Variants in ERAP1 observed in about 807,000 individuals in gnomAD.
ERAP1 encodes adipocyte-derived leucine aminopeptidase.
Under a neutral mutation model 103.7 loss-of-function variants are expected in ERAP1, and 86 were observed. The observed-to-expected ratio is 0.83, with a 90% CI of 0.70 to 0.99. The LOEUF is 0.99. Ranked by LOEUF, ERAP1 falls within the 50% of genes least tolerant of loss-of-function variation. The probability of loss-of-function intolerance (pLI) is 0.00; values close to 1 mark genes in which losing one functional copy is unlikely to be tolerated. For missense variants in ERAP1, 1,009 were observed against 1,128.4 expected (o/e 0.89, Z 1.52); for synonymous variants, 398 against 402.4 (o/e 0.99, Z 0.13).
the ERAP1 span, among the ~76,000 whole-genome samples, chr5:96,815,413 T>TG: frequency 0.34 from 47,077 of 138,036 alleles, 8,455 homozygotes; most frequent in Non-Finnish European, 0.38. Flanking sequence ...TTTTGTTTTT[T>TG]ATTTTTTTTT....
intron 13 of ERAP1, 47 bp downstream of exon 13, chr5:96,785,741 A>T (rs760657772): frequency 3.8e-6 from 6 of 1,592,092 alleles, no homozygotes; most frequent in Admixed American, 3.3e-5. Flanking sequence ...TTGAACAATA[A>T]CAGCTGCTTT....
chr5:96,765,135 T>C (rs976976822), intron 19 of ERAP1: 7 of 777,814 alleles, frequency 9.0e-6, no homozygotes, highest in Admixed American at 4.1e-5. Context: ...ACAGGTTCCC[T>C]CCTGAAAAGA....
At chr5:96,766,952 T>C (rs1036647353) in intron 19 of ERAP1, among the ~76,000 whole-genome samples, 1 of 152,170 alleles carries the variant, frequency 6.6e-6, no homozygotes, top group African/African-American at 2.4e-5. Flanking sequence ...TTCCTCAAGA[T>C]AGCAATTCCA....
the ERAP1 span, among the ~76,000 whole-genome samples, chr5:96,900,552 C>A: frequency 6.6e-6 from 1 of 151,954 alleles, no homozygotes; most frequent in South Asian, 2.1e-4. Context: ...TTTCTTTTTC[C>A]TTACCTCTGG....
intron 18 of ERAP1, 27 bp from the exon 19 acceptor site, chr5:96,776,578 AAATT>A: frequency 1.2e-6 from 2 of 1,610,816 alleles, no homozygotes. Flanking sequence ...GGGTTTTAAA[AAATT>A]AATTTTATCA....
At chr5:96,767,954 G>A in intron 19 of ERAP1, 3 of 1,613,582 alleles carry the variant, frequency 1.9e-6, no homozygotes, top group Non-Finnish European at 2.5e-6. Context: ...CAGGAGATCT[G>A]GACAGCTGTC....
the ERAP1 span, among the ~76,000 whole-genome samples, chr5:96,903,850 C>T: frequency 6.6e-6 from 1 of 152,148 alleles, no homozygotes; most frequent in South Asian, 2.1e-4. Context: ...ATCCTGTGGG[C>T]CACAGGATAG....
chr5:96,904,900 A>G, the ERAP1 span, among the ~76,000 whole-genome samples: 1 of 152,238 alleles, frequency 6.6e-6, no homozygotes, highest in Non-Finnish European at 1.5e-5. Flanking sequence ...GAAGTTAAGA[A>G]TACAAATTTT....
intron 2 of ERAP1, among the ~76,000 whole-genome samples, chr5:96,801,566 A>G (rs538198692): frequency 3.9e-5 from 6 of 152,152 alleles, no homozygotes; most frequent in Admixed American, 2.6e-4. Flanking sequence ...AGATCCTAAA[A>G]ATATGTAATC....
At chr5:96,849,658 A>G in the ERAP1 span, among the ~76,000 whole-genome samples, 1 of 152,206 alleles carries the variant, frequency 6.6e-6, no homozygotes, top group Non-Finnish European at 1.5e-5. Flanking sequence ...TAGAAGAATT[A>G]ATATTGTTAA....
chr5:96,773,078 A>AC (rs1773043237), downstream of ERAP1: 1 of 153,644 alleles, frequency 6.5e-6, no homozygotes, highest in Non-Finnish European at 1.5e-5. Flanking sequence ...ATTTCTTATT[A>AC]CCCCCTTTCC....
chr5:96,903,226 A>G, the ERAP1 span: 1 of 579,796 alleles, frequency 1.7e-6, no homozygotes, highest in African/African-American at 1.9e-5. Context: ...GAAATCATCC[A>G]GTGAACTACG....
chr5:96,838,389 T>C, the ERAP1 span, among the ~76,000 whole-genome samples: 4 of 152,292 alleles, frequency 2.6e-5, no homozygotes, highest in Admixed American at 6.5e-5. Flanking sequence ...AAAGTCTACA[T>C]TGGAAAATAC....
the ERAP1 span, among the ~76,000 whole-genome samples, chr5:96,854,983 A>T: frequency 6.6e-6 from 1 of 151,476 alleles, no homozygotes; most frequent in Non-Finnish European, 1.5e-5. Context: ...TTTTCAAACC[A>T]CTAAATAAGT....
chr5:96,918,927 C>G, the ERAP1 span: 1 of 152,114 alleles, frequency 6.6e-6, no homozygotes, highest in East Asian at 1.9e-4. Context: ...CTCTGAAATG[C>G]CCTGCTAAAT....
chr5:96,886,307 C>T, the ERAP1 span, among the ~76,000 whole-genome samples: 1 of 152,188 alleles, frequency 6.6e-6, no homozygotes, highest in African/African-American at 2.4e-5. Flanking sequence ...TGGTATTTTA[C>T]TTAAAAGCAC....
At chr5:96,884,511 C>A in the ERAP1 span, among the ~76,000 whole-genome samples, 1 of 151,944 alleles carries the variant, frequency 6.6e-6, no homozygotes, top group African/African-American at 2.4e-5. Context: ...ACAAGTAATT[C>A]TTAAATTTAT....
chr5:96,830,501 T>C, the ERAP1 span, among the ~76,000 whole-genome samples: 3 of 152,270 alleles, frequency 2.0e-5, no homozygotes, highest in East Asian at 5.8e-4. Context: ...ATCAACAAGA[T>C]GGAATATTCA....
At chr5:96,780,961 C>T (rs1158963240) in intron 17 of ERAP1, 97 bp downstream of exon 17, 5 of 1,429,528 alleles carry the variant, frequency 3.5e-6, no homozygotes, top group Non-Finnish European at 4.9e-6. Context: ...TCAAAAAGTA[C>T]CTTTAGACTG....
Sources: allele counts gnomAD v4.1 joint callset (sites outside exome capture counted in the v4.1 genomes callset), GRCh38; gene constraint gnomAD v4.1.1; transcripts MANE v1.5; gene names NCBI Gene and HGNC (gene_info 2026-07-23, HGNC 2026-07-21).